Variants in EZR observed in about 807,000 individuals in gnomAD.
EZR encodes cytovillin 2.
Under a neutral mutation model 74.8 loss-of-function variants are expected in EZR, and 40 were observed. The ratio of observed to expected loss-of-function variants is 0.53; its 90% CI spans 0.42 to 0.70. EZR has a LOEUF of 0.70. Ranked by LOEUF, EZR falls within the 30% of genes least tolerant of loss-of-function variation. EZR has a pLI of 0.00. For missense variants in EZR, 678 were observed against 755.8 expected (o/e 0.90, Z 1.21); for synonymous variants, 341 against 283.3 (o/e 1.20, Z -2.05).
At chr6:158,815,995 A>G (rs1562509907) in intron 2 of EZR, among the ~76,000 whole-genome samples, 1 of 152,246 alleles carries the variant, frequency 6.6e-6, no homozygotes, top group African/African-American at 2.4e-5. Flanking sequence ...CATAAGAAAT[A>G]AGAGAGAGAA....
chr6:158,775,000 A>C (rs1349975244), intron 8 of EZR, among the ~76,000 whole-genome samples: 2 of 149,936 alleles, frequency 1.3e-5, no homozygotes, highest in African/African-American at 4.9e-5. Context: ...CTACCCACAG[A>C]GTAGCAGCCA....
chr6:158,785,055 G>A (rs192297554), intron 5 of EZR, among the ~76,000 whole-genome samples: 8 of 152,324 alleles, frequency 5.3e-5, no homozygotes, highest in Admixed American at 3.9e-4. Context: ...AGGAGGAGCT[G>A]AGCAGTCAGG....
chr6:158,794,213 G>A lies in EZR; in HGVS notation c.13-4842C>T, dbSNP rs1014604494. 1.3e-4 allele frequency among the ~76,000 whole-genome samples: 20 copies of A among 152,250 alleles called. No homozygotes were observed. The South Asian group carries it at 2.7e-3, about 20-fold the overall frequency. On this transcript the variant is annotated intron_variant, in intron 2 of 13. Transcript: ENST00000367075. ...GGAGAATTGCTTGAACCTGGGAGGC[G>A]GAGCTTGCAGTGAGCAAGATCGCGC...
chr6:158,770,631 A>G lies in EZR; in HGVS notation c.1090+133T>C, dbSNP rs1246985924. The G allele has an allele frequency of 3.1e-6, 3 of 981,228 alleles. No individual in the cohort carries two copies. The East Asian group carries it at 7.2e-5, about 24-fold the overall frequency. The allele number at this position is 981,228 out of a possible 1,614,324, so 60.8% of individuals were successfully genotyped here. On this transcript the variant is annotated intron_variant, in intron 10 of 13. Coordinates refer to ENST00000367075, the MANE Select transcript of EZR (RefSeq NM_001111077.2). ...TTCCAAACCAAATAACCATTTTATC[A>G]TTTCGGCTGTGAGTCTGCGCTGTGG...
intron 12 of EZR, 29 bp downstream of exon 12, chr6:158,769,297 G>A (rs367681099): frequency 2.1e-5 from 34 of 1,595,086 alleles, no homozygotes; most frequent in South Asian, 5.5e-5. Context: ...TGCTGTGGCC[G>A]TGCGGAGGTG....
rs750531085 is a variant in EZR, at chr6:158,784,710, T to C, written c.485A>G (p.Lys162Arg). The change falls in exon 6 of 14, where the codon AAA (lysine) becomes AGA (arginine). Residue 162 changes from lysine to arginine, a missense_variant. Coordinates refer to ENST00000367075, the MANE Select transcript of EZR (RefSeq NM_001111077.2). ...LIPQRVMDQH[K>R]LTRDQWEDRI... ...GTCCTCCCACTGGTCCCTGGTAAGT[T>C]TGTGCTGGTCCATCACTCTGGAATG... is the stretch of plus-strand genomic sequence containing the variant. 2 of 1,614,212 alleles carry C rather than the reference T, an allele frequency of 1.2e-6. No individual in the cohort carries two copies. Among genetic ancestry groups the C allele is most frequent in the South Asian group, 2.2e-5 (2 of 91,084 alleles).
At chr6:158,792,838 T>C (rs924909144) in intron 2 of EZR, among the ~76,000 whole-genome samples, 1 of 147,814 alleles carries the variant, frequency 6.8e-6, no homozygotes, top group Non-Finnish European at 1.5e-5. Flanking sequence ...AGTAAGCTAC[T>C]GAGAAGTTCT....
chr6:158,773,265 C>T lies in EZR; in HGVS notation c.796-1858G>A, dbSNP rs930979643. On this transcript the variant is annotated intron_variant, in intron 8 of 13. Transcript: ENST00000367075. Reference sequence around the variant, plus strand: ...ATGTCTCCCTCTCTCCCTTTCCCTGCAGAAGACAGGTCCTGCCAGCAACGG... The same window carrying T: ...ATGTCTCCCTCTCTCCCTTTCCCTGTAGAAGACAGGTCCTGCCAGCAACGG... Among the ~76,000 whole-genome samples, 3 of 152,174 alleles carry T rather than the reference C, an allele frequency of 2.0e-5. No homozygotes were observed. In the South Asian group the frequency reaches 6.2e-4, roughly 32 times the overall value.
chr6:158,789,459 A>G, intron 2 of EZR, 88 bp from the exon 3 acceptor site: 1 of 1,210,610 alleles, frequency 8.3e-7, no homozygotes, highest in Non-Finnish European at 1.2e-6. Context: ...GCTGCTCCTC[A>G]GTGTGGCGAC....
intron 2 of EZR, among the ~76,000 whole-genome samples, chr6:158,800,821 TAATAA>T (rs1309458324): frequency 6.6e-6 from 1 of 152,098 alleles, no homozygotes; most frequent in East Asian, 1.9e-4. Flanking sequence ...AAAATTGTAC[TAATAA>T]AATAATCCTG....
Position 158,767,369 on chromosome 6 carries a change from G to A in EZR, c.1488C>T (p.Pro496=), listed in dbSNP as rs1323299495. 7.4e-6 allele frequency: 12 copies of A among 1,614,000 alleles called. No homozygotes were observed. The highest frequency in any genetic ancestry group is 8.5e-6 in the Non-Finnish European group (10 of 1,180,012). ...TAGACAGCTCCGCGCTGTAGCCCGTGGGCTCTGCGCCCTCATCCTGCAAGC... is the reference window on the plus strand; with the variant it reads ...TAGACAGCTCCGCGCTGTAGCCCGTAGGCTCTGCGCCCTCATCCTGCAAGC... The part of the protein sequence containing the change: ...QESLQDEGAE[P]TGYSAELSSE... Residue 496 remains proline (P), a synonymous_variant, in exon 13 of 14, where the codon CCC becomes CCT. Coordinates refer to ENST00000367075, the MANE Select transcript of EZR (RefSeq NM_001111077.2).
intron 6 of EZR, 90 bp downstream of exon 6, chr6:158,784,554 G>A (rs1446686631): frequency 5.2e-6 from 6 of 1,159,726 alleles, no homozygotes; most frequent in Non-Finnish European, 7.7e-6. Context: ...CTGACACAGA[G>A]CCCTTTAAAG....
intron 2 of EZR, among the ~76,000 whole-genome samples, chr6:158,808,239 C>A (rs928450797): frequency 6.6e-6 from 1 of 152,190 alleles, no homozygotes; most frequent in Non-Finnish European, 1.5e-5. Context: ...CACTTTAAGG[C>A]TGCCAGGTGG....
intron 10 of EZR, 117 bp downstream of exon 10, chr6:158,770,647 T>C (rs2128565860): frequency 8.5e-7 from 1 of 1,174,358 alleles, no homozygotes; most frequent in Non-Finnish European, 1.2e-6. Context: ...GCTGTGAGTC[T>C]GCGCTGTGGG....
intron 2 of EZR, among the ~76,000 whole-genome samples, chr6:158,790,218 C>T (rs751661634): frequency 3.1e-4 from 47 of 152,200 alleles, no homozygotes; most frequent in African/African-American, 9.4e-4. Context: ...ATAAAAAATA[C>T]GACAAGCAAC....
In EZR at chr6:158,771,341, G is replaced by T; in HGVS notation, c.862C>A (p.His288Asn). 1.2e-6 allele frequency: 2 copies of T among 1,614,186 alleles called. No individual in the cohort carries two copies. Among genetic ancestry groups the T allele is most frequent in the Non-Finnish European group, 1.7e-6 (2 of 1,180,018 alleles). Reference protein sequence around the residue: ...KRILQLCMGNHELYMRRRKPD... With the variant: ...KRILQLCMGNNELYMRRRKPD... ...TTCCTGCGGCGCATATACAACTCAT[G>T]GTTGCCCATGCAGAGCTGCAGGATC... The change falls in exon 9 of 14, where the codon CAT becomes AAT. Residue 288 changes from histidine to asparagine, a missense_variant. His to Asn is a moderately conservative substitution (Grantham distance 68). Coordinates refer to ENST00000367075, the MANE Select transcript of EZR (RefSeq NM_001111077.2).
rs1402586688 is a variant in EZR at position 158,771,337 on chromosome 6, T to C, written c.866A>G (p.Glu289Gly). ...RILQLCMGNH[E>G]LYMRRRKPDT... ...AGGCTTCCTGCGGCGCATATACAAC[T>C]CATGGTTGCCCATGCAGAGCTGCAG... The change falls in exon 9 of 14, where the codon GAG becomes GGG. Residue 289 changes from glutamate (E) to glycine (G), a missense_variant. Physicochemically the swap from Glu to Gly is moderately conservative, Grantham distance 98 (BLOSUM62 -2). This residue lies in a region of EZR where 119 missense variants were observed against 182.3 expected (regional missense o/e 0.65). Coordinates refer to ENST00000367075, the MANE Select transcript of EZR (RefSeq NM_001111077.2). The C allele has an allele frequency of 6.2e-7, 1 of 1,614,146 alleles. No individual in the cohort carries two copies. Among genetic ancestry groups the C allele is most frequent in the Non-Finnish European group, 8.5e-7 (1 of 1,180,000 alleles).
At chr6:158,768,550 G>A (rs911137050) in intron 12 of EZR, among the ~76,000 whole-genome samples, 1 of 152,142 alleles carries the variant, frequency 6.6e-6, no homozygotes, top group Admixed American at 6.5e-5. Context: ...GGGCCAGCGG[G>A]TCTGTGAAGG....
chr6:158,773,683 C>A (rs966624191), intron 8 of EZR, among the ~76,000 whole-genome samples: 2 of 152,242 alleles, frequency 1.3e-5, no homozygotes, highest in African/African-American at 4.8e-5. Context: ...CATCTGGCCG[C>A]AGAGATGGCA....
Sources: gnomAD v4.1 joint callset for allele counts (sites outside exome capture counted in the v4.1 genomes callset) on GRCh38, gnomAD v4.1.1 for gene constraint, gnomAD v4.1.1 regional missense constraint, MANE v1.5 for transcripts, NCBI Gene and HGNC (gene_info 2026-07-23, HGNC 2026-07-21) for gene names.